SASH1: variants seen among roughly 807,000 people sequenced by gnomAD.
SASH1 encodes the protein SAM and SH3 domain-containing protein 1.
In SASH1, 44 loss-of-function variants were observed where a neutral mutation model predicts 125.2. That is an observed-to-expected ratio of 0.35 (90% CI 0.28 to 0.45). The LOEUF (loss-of-function observed/expected upper bound fraction) is 0.45, where lower values mean the gene tolerates loss of function less well. Ranked by LOEUF, SASH1 falls within the 20% of genes least tolerant of loss-of-function variation. SASH1 has a pLI of 1.00. For synonymous variants in SASH1, 639 were observed against 649.1 expected (o/e 0.98, Z 0.24); for missense variants, 1,426 against 1,614.5 (o/e 0.88, Z 2.00).
chr6:148,214,502 T>C, the SASH1 span, among the ~76,000 whole-genome samples: 1 of 152,178 alleles, frequency 6.6e-6, no homozygotes, highest in Non-Finnish European at 1.5e-5. Flanking sequence ...TAGAGGAGCT[T>C]CAAGTATTAA....
chr6:148,438,095 G>T (rs1285868976), intron 2 of SASH1, among the ~76,000 whole-genome samples: 1 of 152,130 alleles, frequency 6.6e-6, no homozygotes, highest in Non-Finnish European at 1.5e-5. Context: ...TTTTGCTGAT[G>T]GTTATAGAAG....
chr6:148,483,225 C>G (rs1266951966), intron 7 of SASH1, among the ~76,000 whole-genome samples: 1 of 152,062 alleles, frequency 6.6e-6, no homozygotes, highest in Non-Finnish European at 1.5e-5. Context: ...GTGCAGAGAT[C>G]ACTTGGTGAG....
intron 8 of SASH1, among the ~76,000 whole-genome samples, chr6:148,497,414 T>C (rs1306970887): frequency 6.6e-6 from 1 of 152,220 alleles, no homozygotes; most frequent in Non-Finnish European, 1.5e-5. Flanking sequence ...CTGTTGCCTC[T>C]ACTAGGCCCT....
intron 1 of SASH1, among the ~76,000 whole-genome samples, chr6:148,325,382 T>C (rs1270725650): frequency 6.6e-6 from 1 of 152,028 alleles, no homozygotes. Context: ...GTTCAAGTGA[T>C]TCTCCTGCCT....
At chr6:148,379,508 T>G (rs1783048087) in intron 1 of SASH1, among the ~76,000 whole-genome samples, 1 of 152,180 alleles carries the variant, frequency 6.6e-6, no homozygotes, top group Non-Finnish European at 1.5e-5. Context: ...ATAAAAATGC[T>G]GGTTTAGCGG....
intron 1 of SASH1, among the ~76,000 whole-genome samples, chr6:148,327,377 G>A (rs1057239841): frequency 2.7e-5 from 4 of 149,886 alleles, no homozygotes; most frequent in South Asian, 2.1e-4. Context: ...CTCCGCCTCC[G>A]AGGTTCAAGG....
At chr6:148,319,686 G>C (rs897221560) in intron 1 of SASH1, among the ~76,000 whole-genome samples, 2 of 152,016 alleles carry the variant, frequency 1.3e-5, no homozygotes, top group African/African-American at 4.8e-5. Flanking sequence ...AACTAATTTT[G>C]TATTTTTGGT....
chr6:148,265,688 G>A, the SASH1 span, among the ~76,000 whole-genome samples: 32,737 of 152,058 alleles, frequency 0.22, 3,818 homozygotes, highest in South Asian at 0.29. Flanking sequence ...TCCTGGATAG[G>A]ACTGGCTCAA....
chr6:148,513,752 C>T (rs1436709733), intron 8 of SASH1: 15 of 985,792 alleles, frequency 1.5e-5, no homozygotes, highest in South Asian at 9.4e-5. Context: ...TAGAAGGAGC[C>T]GGGAGAGGCG....
chr6:148,193,570 A>T, the SASH1 span, among the ~76,000 whole-genome samples: 2 of 152,224 alleles, frequency 1.3e-5, no homozygotes, highest in African/African-American at 2.4e-5. Flanking sequence ...CAAGAAATTT[A>T]TCCCTTCACT....
Position 148,529,718 on chromosome 6 carries a change from ATAAGT to A in SASH1, c.1429-1803_1429-1799del, listed in dbSNP as rs1781395995. On this transcript the variant is annotated intron_variant, in intron 12 of 19. Transcript: ENST00000367467. The surrounding 1 kb of genome is among the most constrained non-coding windows in gnomAD (Gnocchi z 4.2). ...TGTTTTTTTAAAGCAGCCATTTCACATAAGTTAAGGAATAAAAGAAACAACTGATC... is the reference window on the plus strand; with the variant it reads ...TGTTTTTTTAAAGCAGCCATTTCACATAAGGAATAAAAGAAACAACTGATC... 6.6e-6 allele frequency among the ~76,000 whole-genome samples: 1 copy of A among 152,312 alleles called. No individual in the cohort carries two copies. The highest frequency in any genetic ancestry group is 2.4e-5 in the African/African-American group (1 of 41,562).
the SASH1 span, among the ~76,000 whole-genome samples, chr6:148,238,625 T>TACACACAC: frequency 6.7e-6 from 1 of 149,446 alleles, no homozygotes; most frequent in African/African-American, 2.5e-5. Flanking sequence ...TACACACACA[T>TACACACAC]ACACACACAC....
upstream of SASH1, among the ~76,000 whole-genome samples, chr6:148,271,218 A>G (rs1779056365): frequency 6.6e-6 from 1 of 151,774 alleles, no homozygotes; most frequent in African/African-American, 2.4e-5. Flanking sequence ...CTCATCCACA[A>G]CTCCTAATAC....
chr6:148,390,057 C>T (rs139722980), intron 1 of SASH1, 77 bp from the exon 2 acceptor site: 17 of 1,531,480 alleles, frequency 1.1e-5, no homozygotes, highest in African/African-American at 8.2e-5. Context: ...ATTAACTCTG[C>T]GTAGAGGGAG....
rs914200791 is a variant in SASH1, at chr6:148,532,631, G to A, written c.1565-166G>A. Reference sequence around the variant, plus strand: ...ACTGAGGAGCTGAGGGATAGCACTCGGAGAATTCATAACTGGGCCCTGCCC... The same window carrying A: ...ACTGAGGAGCTGAGGGATAGCACTCAGAGAATTCATAACTGGGCCCTGCCC... On this transcript the variant is annotated intron_variant, in intron 13 of 19. Transcript: ENST00000367467. The surrounding 1 kb of genome is among the most constrained non-coding windows in gnomAD (Gnocchi z 4.7). Among the ~76,000 whole-genome samples, 1 of 152,192 alleles carries A rather than the reference G, an allele frequency of 6.6e-6. No individual in the cohort carries two copies. Among genetic ancestry groups the A allele is most frequent in the East Asian group, 1.9e-4 (1 of 5,192 alleles).
At chr6:148,473,253 A>T (rs938788097) in intron 6 of SASH1, among the ~76,000 whole-genome samples, 3 of 151,880 alleles carry the variant, frequency 2.0e-5, no homozygotes, top group Non-Finnish European at 2.9e-5. Flanking sequence ...TTTTTTATTT[A>T]TTTATTTTTT....
At chr6:148,345,162 G>A (rs1184857142) in intron 1 of SASH1, among the ~76,000 whole-genome samples, 3 of 152,158 alleles carry the variant, frequency 2.0e-5, no homozygotes, top group East Asian at 3.8e-4. Context: ...ACTCTAGGGC[G>A]TTGGGCTGGG....
chr6:148,522,099 C>T (rs1780852356), intron 10 of SASH1, among the ~76,000 whole-genome samples: 1 of 152,182 alleles, frequency 6.6e-6, no homozygotes, highest in African/African-American at 2.4e-5. Context: ...CCAGGCACCG[C>T]CCCCACCTAA....
chr6:148,377,925 A>G (rs1369575637), intron 1 of SASH1, among the ~76,000 whole-genome samples: 1 of 152,166 alleles, frequency 6.6e-6, no homozygotes, highest in Non-Finnish European at 1.5e-5. Context: ...TTACCATTTT[A>G]CAGATGAGGA....
Sources: gnomAD v4.1 joint callset for allele counts (sites outside exome capture counted in the v4.1 genomes callset) on GRCh38, gnomAD v4.1.1 for gene constraint, Gnocchi (gnomAD v3.1) non-coding constraint, MANE v1.5 for transcripts, NCBI Gene and HGNC (gene_info 2026-07-23, HGNC 2026-07-21) for gene names.